RCAN1: variants seen among roughly 807,000 people sequenced by gnomAD.
RCAN1 encodes calcipressin-1.
RCAN1 carries 11 observed loss-of-function variants against 22.9 expected under a neutral mutation model. The observed-to-expected ratio is 0.48, with a 90% confidence interval of 0.30 to 0.79. The LOEUF is 0.79. Ranked by LOEUF, RCAN1 falls within the 30% of genes least tolerant of loss-of-function variation. The pLI is 0.06. For missense variants in RCAN1, 291 were observed against 337.8 expected (o/e 0.86, Z 1.09); for synonymous variants, 136 against 142.3 (o/e 0.96, Z 0.32).
chr21:34,558,630 CTT>C (rs57924713), intron 1 of RCAN1, among the ~76,000 whole-genome samples: 36,618 of 151,990 alleles, frequency 0.24, 5,100 homozygotes, highest in African/African-American at 0.39. Flanking sequence ...TCTCAAACAA[CTT>C]AACGTATTTC....
chr21:34,561,380 A>G (rs1986784441), intron 1 of RCAN1, among the ~76,000 whole-genome samples: 1 of 151,992 alleles, frequency 6.6e-6, no homozygotes, highest in Non-Finnish European at 1.5e-5. Context: ...TTACTTTAAA[A>G]CTTTATTTTT....
At chr21:34,580,796 A>C (rs990209113) in intron 1 of RCAN1, among the ~76,000 whole-genome samples, 44 of 152,324 alleles carry the variant, frequency 2.9e-4, no homozygotes, top group Non-Finnish European at 5.9e-5. Context: ...TGCTTGCACG[A>C]AGAAGGGACC....
chr21:34,534,274 A>G (rs1985564406), intron 1 of RCAN1, among the ~76,000 whole-genome samples: 2 of 152,216 alleles, frequency 1.3e-5, no homozygotes, highest in South Asian at 4.1e-4. Flanking sequence ...AAAGCTCCTC[A>G]GCCAGCTCCT....
chr21:34,608,453 T>C (rs1310277322), intron 1 of RCAN1, among the ~76,000 whole-genome samples: 1 of 152,192 alleles, frequency 6.6e-6, no homozygotes, highest in Non-Finnish European at 1.5e-5. Context: ...TCCCATTCCA[T>C]CTGGCTTGCT....
chr21:34,567,004 T>C (rs1987033650), intron 1 of RCAN1, among the ~76,000 whole-genome samples: 2 of 152,172 alleles, frequency 1.3e-5, no homozygotes, highest in African/African-American at 2.4e-5. Flanking sequence ...GGGGATCACA[T>C]TTGAACATGA....
chr21:34,538,628 A>C (rs1249299406), intron 1 of RCAN1, among the ~76,000 whole-genome samples: 1 of 152,106 alleles, frequency 6.6e-6, no homozygotes, highest in African/African-American at 2.4e-5. Context: ...GAAGCTACCA[A>C]GTGGTCCTAG....
At chr21:34,529,663 T>C (rs955434906) in intron 1 of RCAN1, among the ~76,000 whole-genome samples, 4 of 152,228 alleles carry the variant, frequency 2.6e-5, no homozygotes, top group African/African-American at 9.7e-5. Flanking sequence ...CTTGTGGTTT[T>C]GGAGGCAAGT....
rs1190368245 is a variant in RCAN1, at chr21:34,603,589, G to GC, written c.252+11170dup. Among the ~76,000 whole-genome samples the GC allele has an allele frequency of 2.0e-5, 3 of 152,250 alleles. No homozygotes were observed. The East Asian group carries it at 5.8e-4, about 29-fold the overall frequency. On this transcript the variant is annotated intron_variant, in intron 1 of 3. Transcript: ENST00000313806. ...GAATTTCTCACTGAAGAGATGAAAG[G>GC]CACAGCCTTGGAAGAACCTTCTGGT...
intron 1 of RCAN1, among the ~76,000 whole-genome samples, chr21:34,564,779 A>G (rs991335297): frequency 6.6e-6 from 1 of 152,148 alleles, no homozygotes; most frequent in Non-Finnish European, 1.5e-5. Flanking sequence ...TTGTCATCTA[A>G]GATAGTGCTA....
At chr21:34,556,635 CT>C (rs1986585594) in intron 1 of RCAN1, among the ~76,000 whole-genome samples, 1 of 152,086 alleles carries the variant, frequency 6.6e-6, no homozygotes, top group Middle Eastern at 3.2e-3. Context: ...CAACAGAACT[CT>C]CTTGGAAATA....
At position 34,614,248 on chromosome 21, in the gene RCAN1, G is replaced by A. The variant is rs1039289517; in HGVS notation, c.252+512C>T. The A allele has an allele frequency of 2.0e-6, 2 of 996,638 alleles. No individual in the cohort carries two copies. The highest frequency in any genetic ancestry group is 2.1e-4 in the East Asian group (2 of 9,360). The allele number at this position is 996,638 out of a possible 1,614,324, so 61.7% of individuals were successfully genotyped here. ...ACAATTCCACCAAAACTGGCCAGCC[G>A]CTGGCTAATGAGCAACCACGGATCC... On this transcript the variant is annotated intron_variant, in intron 1 of 3. Transcript: ENST00000313806. The surrounding 1 kb of genome is among the most constrained non-coding windows in gnomAD (Gnocchi z 6.0).
chr21:34,532,406 C>T (rs940366368), intron 1 of RCAN1, among the ~76,000 whole-genome samples: 4 of 152,224 alleles, frequency 2.6e-5, no homozygotes, highest in East Asian at 1.9e-4. Context: ...GTTAAGCACT[C>T]TCCAAACTTC....
At chr21:34,575,745 G>A (rs1046692296) in intron 1 of RCAN1, among the ~76,000 whole-genome samples, 11 of 152,216 alleles carry the variant, frequency 7.2e-5, no homozygotes, top group East Asian at 3.9e-4. Context: ...CTTCCTAAGC[G>A]CAGTTCCATT....
chr21:34,583,227 A>G (rs953048002), intron 1 of RCAN1, among the ~76,000 whole-genome samples: 1 of 141,224 alleles, frequency 7.1e-6, no homozygotes, highest in African/African-American at 2.7e-5. Flanking sequence ...CGCCCAGGCT[A>G]GAGTGCAGTG....
chr21:34,589,535 T>A (rs1459057039), intron 1 of RCAN1, among the ~76,000 whole-genome samples: 2 of 152,222 alleles, frequency 1.3e-5, no homozygotes, highest in Non-Finnish European at 2.9e-5. Context: ...TGTGTCAAAC[T>A]GGCCCCGGTG....
At chr21:34,599,645 A>G (rs1279140397) in intron 1 of RCAN1, among the ~76,000 whole-genome samples, 3 of 152,182 alleles carry the variant, frequency 2.0e-5, no homozygotes, top group Admixed American at 1.3e-4. Flanking sequence ...TGTGTGTGAA[A>G]GGGTATACAT....
chr21:34,521,168 G>C, intron 3 of RCAN1: 4 of 1,354,238 alleles, frequency 3.0e-6, no homozygotes, highest in Non-Finnish European at 3.8e-6. Context: ...TCCCTATCCG[G>C]AGCGACAGAA....
intron 1 of RCAN1, among the ~76,000 whole-genome samples, chr21:34,553,277 C>T (rs1398890898): frequency 2.0e-5 from 3 of 152,080 alleles, no homozygotes; most frequent in Non-Finnish European, 4.4e-5. Flanking sequence ...ATAGTAGGGA[C>T]GAGCAAGCAA....
At chr21:34,550,628 G>A (rs1986330231) in intron 1 of RCAN1, among the ~76,000 whole-genome samples, 1 of 152,170 alleles carries the variant, frequency 6.6e-6, no homozygotes, top group South Asian at 2.1e-4. Context: ...CCAGGATTGT[G>A]AAACAACACA....
Sources: allele counts gnomAD v4.1 joint callset (sites outside exome capture counted in the v4.1 genomes callset), GRCh38; gene constraint gnomAD v4.1.1; non-coding constraint Gnocchi (gnomAD v3.1); transcripts MANE v1.5; gene names NCBI Gene and HGNC (gene_info 2026-07-23, HGNC 2026-07-21).